The following SLC71A2 variants were observed in gnomAD, a reference collection of about 807,000 sequenced individuals.
The protein encoded by SLC71A2 is hippocampus abundant transcript-like 1.
the SLC71A2 span, among the ~76,000 whole-genome samples, chr9:94,380,220 G>C: frequency 6.6e-6 from 1 of 152,168 alleles, no homozygotes; most frequent in South Asian, 2.1e-4. Context: ...GCAGTGAGCA[G>C]AGATCGTGCC....
the SLC71A2 span, among the ~76,000 whole-genome samples, chr9:94,400,940 C>T: frequency 6.6e-6 from 1 of 151,850 alleles, no homozygotes; most frequent in African/African-American, 2.4e-5. Flanking sequence ...CCGGAATGCC[C>T]TTTAAATGGT....
At chr9:94,427,871 C>T in the SLC71A2 span, among the ~76,000 whole-genome samples, 1 of 147,882 alleles carries the variant, frequency 6.8e-6, no homozygotes, top group African/African-American at 2.5e-5. Flanking sequence ...CGCCTGTAAT[C>T]CCAACACTTT....
the SLC71A2 span, among the ~76,000 whole-genome samples, chr9:94,429,588 G>T: frequency 1.3e-5 from 2 of 151,762 alleles, no homozygotes; most frequent in African/African-American, 4.8e-5. Context: ...ATCTTTTTAG[G>T]TATACTAAAA....
At chr9:94,455,946 T>G in the SLC71A2 span, among the ~76,000 whole-genome samples, 1 of 152,158 alleles carries the variant, frequency 6.6e-6, no homozygotes, top group Non-Finnish European at 1.5e-5. Context: ...TTCATTGAGC[T>G]TATGTCTAAA....
the SLC71A2 span, among the ~76,000 whole-genome samples, chr9:94,450,507 T>TTTTTTTTTTTTTTTTTTTTTTTTTTTTC: frequency 4.4e-5 from 6 of 137,218 alleles, no homozygotes; most frequent in African/African-American, 6.0e-5. Flanking sequence ...TTTTTTTTTT[T>TTTTTTTTTTTTTTTTTTTTTTTTTTTTC]GAGATGGAGT....
chr9:94,382,747 GCTCA>G, the SLC71A2 span, among the ~76,000 whole-genome samples: 1 of 152,030 alleles, frequency 6.6e-6, no homozygotes, highest in Non-Finnish European at 1.5e-5. Flanking sequence ...GCAATCTCCA[GCTCA>G]CTGCAATCTC....
the SLC71A2 span, among the ~76,000 whole-genome samples, chr9:94,441,780 A>G: frequency 4.6e-5 from 7 of 152,208 alleles, no homozygotes; most frequent in Admixed American, 4.6e-4. Flanking sequence ...CATCAAATCC[A>G]TAGTTGCTGA....
the SLC71A2 span, chr9:94,459,111 TAA>T: frequency 1.3e-6 from 2 of 1,574,780 alleles, no homozygotes; most frequent in South Asian, 1.2e-5. Flanking sequence ...AATTTTGAGT[TAA>T]AAGACTAACT....
chr9:94,440,774 T>C, the SLC71A2 span, among the ~76,000 whole-genome samples: 1 of 152,176 alleles, frequency 6.6e-6, no homozygotes, highest in South Asian at 2.1e-4. Flanking sequence ...TTAGGGGGCA[T>C]GTACTGACCC....
the SLC71A2 span, among the ~76,000 whole-genome samples, chr9:94,410,074 G>A: frequency 9.9e-5 from 15 of 151,276 alleles, no homozygotes; most frequent in African/African-American, 3.6e-4. Flanking sequence ...GAGTATTGAT[G>A]CCGGTAGGTG....
the SLC71A2 span, among the ~76,000 whole-genome samples, chr9:94,409,163 A>G: frequency 4.2e-4 from 33 of 78,476 alleles, no homozygotes; most frequent in African/African-American, 1.6e-3. Context: ...TTTTAAGGCA[A>G]GGTTTCACTC....
chr9:94,431,369 G>A, the SLC71A2 span, among the ~76,000 whole-genome samples: 46 of 151,238 alleles, frequency 3.0e-4, no homozygotes, highest in South Asian at 8.3e-3. Context: ...ATTGTAGTTC[G>A]TTATTTTCAT....
At chr9:94,447,076 T>C in the SLC71A2 span, 1 of 546,764 alleles carries the variant, frequency 1.8e-6, no homozygotes, top group East Asian at 3.0e-5. Context: ...TGCTGGCATA[T>C]AATTAGTAAA....
chr9:94,433,329 G>C, the SLC71A2 span: 1 of 154,478 alleles, frequency 6.5e-6, no homozygotes, highest in African/African-American at 2.4e-5. Context: ...CACAGGTGCA[G>C]CTTCTGGGGC....
chr9:94,442,915 GA>G, the SLC71A2 span, among the ~76,000 whole-genome samples: 2 of 150,956 alleles, frequency 1.3e-5, no homozygotes, highest in Admixed American at 1.3e-4. Context: ...AAAAAGAAAA[GA>G]AAAAACAAAA....
chr9:94,425,846 G>A, the SLC71A2 span, among the ~76,000 whole-genome samples: 1 of 152,060 alleles, frequency 6.6e-6, no homozygotes, highest in African/African-American at 2.4e-5. Flanking sequence ...TTCATGCTAT[G>A]CCCAGGAATG....
chr9:94,440,537 A>T, the SLC71A2 span, among the ~76,000 whole-genome samples: 14 of 152,108 alleles, frequency 9.2e-5, no homozygotes, highest in South Asian at 2.1e-4. Context: ...CTGGGTTTTT[A>T]AAAAAAGCAT....
At chr9:94,374,553 C>A in the SLC71A2 span, 2 of 152,486 alleles carry the variant, frequency 1.3e-5, no homozygotes, top group African/African-American at 4.8e-5. Flanking sequence ...CCGTGCAGCC[C>A]GCCCCTGACG....
chr9:94,450,509 A>ATTTTT, the SLC71A2 span, among the ~76,000 whole-genome samples: 1 of 18,248 alleles, frequency 5.5e-5, no homozygotes, highest in African/African-American at 7.4e-4. Flanking sequence ...TTTTTTTTTG[A>ATTTTT]GATGGAGTCT....
Sources: gnomAD v4.1 joint callset for allele counts (sites outside exome capture counted in the v4.1 genomes callset) on GRCh38, gnomAD v4.1.1 for gene constraint, MANE v1.5 for transcripts, NCBI Gene and HGNC (gene_info 2026-07-23, HGNC 2026-07-21) for gene names.